Variants in OTOA observed in about 807,000 individuals in gnomAD.
OTOA encodes the protein cancer/testis antigen 108.
A neutral mutation model predicts 110.8 loss-of-function variants in OTOA; 70 were observed. The ratio of observed to expected loss-of-function variants is 0.63; its 90% confidence interval spans 0.52 to 0.77. The LOEUF (loss-of-function observed/expected upper bound fraction) is 0.77. Ranked by LOEUF, OTOA falls within the 30% of genes least tolerant of loss-of-function variation. The pLI, the probability that OTOA is intolerant of heterozygous loss-of-function variation, is 0.00. For missense variants in OTOA, 917 were observed against 1,075.8 expected (o/e 0.85, Z 2.06); for synonymous variants, 373 against 431.5 (o/e 0.86, Z 1.68).
intron 1 of OTOA, among the ~76,000 whole-genome samples, chr16:21,668,407 T>C (rs559026064): frequency 1.9e-4 from 29 of 150,614 alleles, no homozygotes; most frequent in Non-Finnish European, 3.3e-4. Flanking sequence ...GTGCCTGGCC[T>C]AATTTTTTAT....
At chr16:21,665,875 C>G (rs1966839684) in intron 1 of OTOA, among the ~76,000 whole-genome samples, 1 of 151,810 alleles carries the variant, frequency 6.6e-6, no homozygotes, top group South Asian at 2.1e-4. Context: ...GTCACCCAGG[C>G]TGGAATGTAG....
chr16:21,735,786 G>T (rs552859546), intron 21 of OTOA, among the ~76,000 whole-genome samples: 3 of 151,994 alleles, frequency 2.0e-5, no homozygotes, highest in African/African-American at 7.3e-5. Context: ...TAGAGATGGG[G>T]TTTCACCATG....
At chr16:21,728,482 G>A (rs1347836847) in intron 20 of OTOA, 51 bp downstream of exon 20, 1 of 1,583,574 alleles carries the variant, frequency 6.3e-7, no homozygotes, top group East Asian at 2.3e-5. Context: ...CTCTGTGGAG[G>A]GACACTCAAC....
At chr16:21,759,033 C>A (rs954857249) in intron 28 of OTOA, among the ~76,000 whole-genome samples, 42 of 152,156 alleles carry the variant, frequency 2.8e-4, no homozygotes, top group Non-Finnish European at 4.3e-4. Flanking sequence ...AAAAACTTTC[C>A]ATTGAAATAT....
intron 17 of OTOA, 116 bp downstream of exon 17, chr16:21,719,620 G>A (rs1463007122): frequency 5.9e-6 from 6 of 1,016,610 alleles, no homozygotes; most frequent in Non-Finnish European, 6.2e-6. Context: ...CGCAAGTGAT[G>A]ACTTAGGGCC....
intron 12 of OTOA, among the ~76,000 whole-genome samples, chr16:21,706,848 A>ATTT (rs34052117): frequency 2.4e-5 from 3 of 123,356 alleles, no homozygotes; most frequent in Admixed American, 8.7e-5. Flanking sequence ...TATAAGATTC[A>ATTT]TTTTTTTTTT....
chr16:21,690,966 TC>T, intron 8 of OTOA, among the ~76,000 whole-genome samples: 1 of 50,748 alleles, frequency 2.0e-5, no homozygotes, highest in Non-Finnish European at 4.2e-5. Flanking sequence ...CCCCACCCCC[TC>T]CCCCCACCCC....
chr16:21,702,765 T>G (rs947396464), intron 11 of OTOA, among the ~76,000 whole-genome samples: 5 of 152,172 alleles, frequency 3.3e-5, no homozygotes, highest in African/African-American at 1.2e-4. Flanking sequence ...AACCTCTGCC[T>G]CCTGGGTTCA....
intron 5 of OTOA, among the ~76,000 whole-genome samples, chr16:21,681,393 C>G (rs539514843): frequency 7.9e-5 from 12 of 151,994 alleles, no homozygotes; most frequent in Non-Finnish European, 1.8e-4. Context: ...GAGTTTGAGA[C>G]CAGCCTGGGC....
At chr16:21,684,352 G>T (rs1966958833) in intron 6 of OTOA, 1 of 1,392,070 alleles carries the variant, frequency 7.2e-7, no homozygotes, top group African/African-American at 1.4e-5. Flanking sequence ...TCCCCAGACA[G>T]CAGAGGAAAT....
intron 10 of OTOA, among the ~76,000 whole-genome samples, chr16:21,699,385 C>T (rs1203882588): frequency 6.6e-6 from 1 of 152,192 alleles, no homozygotes; most frequent in African/African-American, 2.4e-5. Context: ...CCAGTAATCC[C>T]AGCACTTTGG....
intron 17 of OTOA, chr16:21,721,181 C>T: frequency 2.5e-6 from 1 of 407,368 alleles, no homozygotes; most frequent in East Asian, 7.3e-5. Context: ...TCCTAAAGTG[C>T]TGGGATTACA....
chr16:21,687,189 G>C (rs1479277147), intron 7 of OTOA, among the ~76,000 whole-genome samples: 1 of 152,220 alleles, frequency 6.6e-6, no homozygotes, highest in Non-Finnish European at 1.5e-5. Flanking sequence ...GATGTATGCT[G>C]GTCAGGTGTA....
At chr16:21,725,969 G>C (rs1898902424) in intron 18 of OTOA, among the ~76,000 whole-genome samples, 1 of 152,190 alleles carries the variant, frequency 6.6e-6, no homozygotes, top group Admixed American at 6.5e-5. Context: ...ACATTGTCAA[G>C]AGCTGAAGGA....
At chr16:21,691,720 T>A (rs374990400) in intron 9 of OTOA, 33 bp downstream of exon 9, 1 of 1,546,410 alleles carries the variant, frequency 6.5e-7, no homozygotes, top group Non-Finnish European at 8.9e-7. Context: ...GGTCACTTTT[T>A]GGGGGAAGAA....
chr16:21,736,541 C>T (rs1899306086), intron 22 of OTOA, 151 bp downstream of exon 22: 5 of 983,174 alleles, frequency 5.1e-6, no homozygotes, highest in Non-Finnish European at 6.3e-6. Flanking sequence ...AAAAGAATTA[C>T]ACTTTTGGTT....
chr16:21,722,017 A>G (rs1457121238), intron 17 of OTOA, among the ~76,000 whole-genome samples: 1 of 151,574 alleles, frequency 6.6e-6, no homozygotes, highest in Non-Finnish European at 1.5e-5. Flanking sequence ...TGAGGTTAGG[A>G]GTTCGAAACC....
At chr16:21,714,332 C>CCTTCCTTCCTTG (rs1555499743) in intron 13 of OTOA, among the ~76,000 whole-genome samples, 1 of 127,636 alleles carries the variant, frequency 7.8e-6, no homozygotes, top group African/African-American at 2.8e-5. Flanking sequence ...TTCCTTCCTT[C>CCTTCCTTCCTTG]CTTTCTTTCT....
chr16:21,680,031 C>T (rs372679215), intron 5 of OTOA, among the ~76,000 whole-genome samples: 9 of 152,118 alleles, frequency 5.9e-5, no homozygotes, highest in East Asian at 5.8e-4. Context: ...GTACTATGAT[C>T]GATAAGAAAT....
Sources: allele counts gnomAD v4.1 joint callset (sites outside exome capture counted in the v4.1 genomes callset), GRCh38; gene constraint gnomAD v4.1.1; transcripts MANE v1.5; gene names NCBI Gene and HGNC (gene_info 2026-07-23, HGNC 2026-07-21).